Variants in RNF2 observed in about 807,000 individuals in gnomAD.
The protein encoded by RNF2 is E3 ubiquitin-protein ligase RING2.
Under a neutral mutation model 37.2 loss-of-function variants are expected in RNF2, and 6 were observed. The observed-to-expected ratio is 0.16, with a 90% CI of 0.09 to 0.32. The LOEUF (loss-of-function observed/expected upper bound fraction) is 0.32. Among genes scored for constraint, RNF2 ranks in the 10% least tolerant of loss-of-function variants. The pLI is 1.00. For synonymous variants in RNF2, 133 were observed against 132.7 expected, an observed-to-expected ratio of 1.00 and a Z score of -0.02; for missense variants, 251 against 404.0, an observed-to-expected ratio of 0.62 and a Z score of 3.25.
chr1:185,070,061 GTAGCTAAA>G (rs1650921126), intron 1 of RNF2, among the ~76,000 whole-genome samples: 1 of 152,122 alleles, frequency 6.6e-6, no homozygotes, highest in Non-Finnish European at 1.5e-5. Flanking sequence ...TAAGTTGGGG[GTAGCTAAA>G]TAATTTTCTC....
At chr1:185,096,594 T>G (rs1651918558) in intron 4 of RNF2, among the ~76,000 whole-genome samples, 2 of 152,140 alleles carry the variant, frequency 1.3e-5, no homozygotes, top group South Asian at 4.1e-4. Flanking sequence ...TACTGTTATT[T>G]ATTTCTCTTT....
chr1:185,047,853 CTG>C (rs1553237980), intron 1 of RNF2, among the ~76,000 whole-genome samples: 4 of 152,206 alleles, frequency 2.6e-5, no homozygotes, highest in African/African-American at 9.7e-5. Context: ...ATTGCACACA[CTG>C]TAGAAGACAT....
intron 5 of RNF2, among the ~76,000 whole-genome samples, chr1:185,099,357 AT>A (rs777024353): frequency 8.9e-4 from 135 of 152,290 alleles, no homozygotes; most frequent in Non-Finnish European, 1.7e-3. Context: ...CCAAATGAAC[AT>A]TTCTATGGTT....
intron 1 of RNF2, among the ~76,000 whole-genome samples, chr1:185,068,506 G>T (rs1308572482): frequency 6.6e-6 from 1 of 152,196 alleles, no homozygotes; most frequent in Non-Finnish European, 1.5e-5. Flanking sequence ...GAAGCAGTGT[G>T]ACCACAGAGG....
intron 1 of RNF2, among the ~76,000 whole-genome samples, chr1:185,064,501 G>A (rs190018972): frequency 8.5e-5 from 13 of 152,300 alleles, no homozygotes; most frequent in African/African-American, 3.1e-4. Context: ...CATGCTCCTT[G>A]ACTTGTGATG....
intron 1 of RNF2, among the ~76,000 whole-genome samples, chr1:185,066,184 G>A (rs1650793759): frequency 6.6e-6 from 1 of 152,156 alleles, no homozygotes; most frequent in Admixed American, 6.5e-5. Flanking sequence ...GGCCAAAGGT[G>A]ATCTCTTCGT....
At chr1:185,058,462 C>T (rs930145030) in intron 1 of RNF2, among the ~76,000 whole-genome samples, 1 of 151,826 alleles carries the variant, frequency 6.6e-6, no homozygotes, top group African/African-American at 2.4e-5. Context: ...GAATGTAGAC[C>T]CAGAAAAGTT....
chr1:185,046,508 G>A (rs149355596), intron 1 of RNF2, among the ~76,000 whole-genome samples: 34 of 152,212 alleles, frequency 2.2e-4, no homozygotes, highest in African/African-American at 7.9e-4. Context: ...CTCAAACTTT[G>A]AGGTTCATTC....
intron 1 of RNF2, among the ~76,000 whole-genome samples, chr1:185,078,697 G>GT (rs1161296426): frequency 6.6e-6 from 1 of 152,134 alleles, no homozygotes; most frequent in African/African-American, 2.4e-5. Context: ...ATCACCTGAG[G>GT]TTGGGAGTTC....
intron 1 of RNF2, among the ~76,000 whole-genome samples, chr1:185,083,349 T>C (rs1375829783): frequency 1.3e-5 from 2 of 152,166 alleles, no homozygotes; most frequent in African/African-American, 4.8e-5. Flanking sequence ...AAATTTGCAA[T>C]TTTCCATTTT....
At chr1:185,052,557 G>A (rs1650301824) in intron 1 of RNF2, among the ~76,000 whole-genome samples, 1 of 152,132 alleles carries the variant, frequency 6.6e-6, no homozygotes, top group South Asian at 2.1e-4. Flanking sequence ...TGGGAGATGG[G>A]GATGAAACTG....
At chr1:185,070,423 C>T (rs1650932571) in intron 1 of RNF2, among the ~76,000 whole-genome samples, 1 of 152,116 alleles carries the variant, frequency 6.6e-6, no homozygotes, top group Non-Finnish European at 1.5e-5. Flanking sequence ...TAAAATAGTT[C>T]TCTGCCTTTA....
intron 1 of RNF2, among the ~76,000 whole-genome samples, chr1:185,072,371 A>G (rs1205594599): frequency 2.6e-5 from 4 of 152,156 alleles, no homozygotes; most frequent in Admixed American, 6.5e-5. Flanking sequence ...AATGACTACT[A>G]TATGCCAGGT....
chr1:185,056,916 G>A (rs780577741), intron 1 of RNF2, among the ~76,000 whole-genome samples: 2 of 152,022 alleles, frequency 1.3e-5, no homozygotes, highest in Non-Finnish European at 2.9e-5. Flanking sequence ...CTTATATTTT[G>A]CTCTATTTTC....
chr1:185,056,987 T>C (rs577101471), intron 1 of RNF2, among the ~76,000 whole-genome samples: 12 of 152,318 alleles, frequency 7.9e-5, no homozygotes, highest in Admixed American at 7.2e-4. Context: ...TTAACTGTAT[T>C]TTATATGTAG....
intron 1 of RNF2, among the ~76,000 whole-genome samples, chr1:185,055,513 C>T (rs762797096): frequency 6.6e-6 from 1 of 152,142 alleles, no homozygotes; most frequent in Non-Finnish European, 1.5e-5. Flanking sequence ...CTCCGCCTCC[C>T]AGGTTCAAGC....
intron 1 of RNF2, among the ~76,000 whole-genome samples, chr1:185,084,606 G>T (rs185447822): frequency 6.6e-6 from 1 of 152,214 alleles, no homozygotes; most frequent in Non-Finnish European, 1.5e-5. Flanking sequence ...TGCATATTTG[G>T]TACTTTTTTT....
intron 1 of RNF2, among the ~76,000 whole-genome samples, chr1:185,075,110 T>C (rs1651106860): frequency 1.3e-5 from 2 of 152,166 alleles, no homozygotes; most frequent in South Asian, 2.1e-4. Context: ...TTCTCCTGCC[T>C]TAGCCTCCCT....
chr1:185,101,217 T>G lies in RNF2; in HGVS notation c.*916T>G, dbSNP rs1472007659. ...ATATGTTCAAAGCTTCCCTAATTTT[T>G]TTCTTATTTGTAGCCACATAAGTTT... is the stretch of plus-strand genomic sequence containing the variant. On this transcript the variant is annotated 3_prime_UTR_variant, in exon 7 of 7. Coordinates refer to ENST00000367510, the MANE Select transcript of RNF2 (RefSeq NM_007212.4). 6.6e-6 allele frequency: 1 copy of G among 152,566 alleles called. No individual in the cohort carries two copies. Among genetic ancestry groups the G allele is most frequent in the African/African-American group, 2.4e-5 (1 of 41,462 alleles). The allele number at this position is 152,566 out of a possible 1,614,324, so 9.5% of individuals were successfully genotyped here.
Sources: gnomAD v4.1 joint callset for allele counts (sites outside exome capture counted in the v4.1 genomes callset) on GRCh38, gnomAD v4.1.1 for gene constraint, MANE v1.5 for transcripts, NCBI Gene and HGNC (gene_info 2026-07-23, HGNC 2026-07-21) for gene names.